LARGE1: variants seen among roughly 807,000 people sequenced by gnomAD.
LARGE1 encodes xylosyl- and glucuronyltransferase LARGE1.
LARGE1 carries 43 observed loss-of-function variants against 87.6 expected under a neutral mutation model. The ratio of observed to expected loss-of-function variants is 0.49; its 90% CI spans 0.38 to 0.63. LARGE1 has a LOEUF of 0.63. Among genes scored for constraint, LARGE1 ranks in the 30% least tolerant of loss-of-function variants. The pLI is 0.00. For synonymous variants in LARGE1, 434 were observed against 394.6 expected (o/e 1.10, Z -1.18); for missense variants, 802 against 1,000.2 (o/e 0.80, Z 2.67).
intron 7 of LARGE1, among the ~76,000 whole-genome samples, chr22:33,388,879 G>T (rs2065418481): frequency 6.6e-6 from 1 of 152,134 alleles, no homozygotes; most frequent in Admixed American, 6.5e-5. Context: ...AATCTCATGG[G>T]CTTTATTCAA....
At chr22:33,173,686 C>T (rs1222958117) in intron 11 of LARGE1, among the ~76,000 whole-genome samples, 1 of 151,290 alleles carries the variant, frequency 6.6e-6, no homozygotes, top group African/African-American at 2.4e-5. Context: ...GCAGGGGTTG[C>T]AATCCTAGTC....
At chr22:33,145,566 G>A in the LARGE1 span, among the ~76,000 whole-genome samples, 8 of 152,180 alleles carry the variant, frequency 5.3e-5, no homozygotes, top group Non-Finnish European at 1.2e-4. Context: ...GCTGAGAAAT[G>A]GGATATGATG....
At chr22:33,725,323 C>G (rs2083237775) in intron 2 of LARGE1, among the ~76,000 whole-genome samples, 2 of 152,164 alleles carry the variant, frequency 1.3e-5, no homozygotes, top group Non-Finnish European at 2.9e-5. Flanking sequence ...GGTGACCTGC[C>G]CATTGGCCTC....
the LARGE1 span, among the ~76,000 whole-genome samples, chr22:33,075,745 T>C: frequency 4.6e-5 from 7 of 152,354 alleles, no homozygotes; most frequent in African/African-American, 1.4e-4. Context: ...TATAATTCTA[T>C]TTTCCTTCAC....
chr22:33,149,100 C>T, the LARGE1 span, among the ~76,000 whole-genome samples: 571 of 149,632 alleles, frequency 3.8e-3, 4 homozygotes, highest in Non-Finnish European at 6.3e-3. Context: ...TGCAGTGGCG[C>T]GATCTCGGCT....
At chr22:33,514,364 A>C (rs1350379838) in intron 6 of LARGE1, among the ~76,000 whole-genome samples, 1 of 152,210 alleles carries the variant, frequency 6.6e-6, no homozygotes, top group Non-Finnish European at 1.5e-5. Flanking sequence ...ACATATGCAC[A>C]CACATATGTA....
rs533893795 is a variant in LARGE1, at chr22:33,423,686, A to G, written c.892+8475T>C. 4.7e-4 allele frequency among the ~76,000 whole-genome samples: 72 copies of G among 151,840 alleles called. 1 individual carries two copies. The highest frequency in any genetic ancestry group is 1.3e-4 in the Non-Finnish European group (9 of 67,920). ...TGCTGTGAGATTCTGTCTCAAAAAA[A>G]AAAAAAAAAAATTACACTTGTAGGC... On this transcript the variant is annotated intron_variant, in intron 7 of 14. Coordinates refer to ENST00000397394, the MANE Select transcript of LARGE1 (RefSeq NM_133642.5).
the LARGE1 span, among the ~76,000 whole-genome samples, chr22:33,152,896 T>C: frequency 1.3e-5 from 2 of 152,174 alleles, no homozygotes; most frequent in African/African-American, 4.8e-5. Flanking sequence ...TTCAATTTAG[T>C]TGTTTTCCAT....
intron 6 of LARGE1, among the ~76,000 whole-genome samples, chr22:33,550,196 T>A (rs531206954): frequency 4.0e-5 from 6 of 151,806 alleles, no homozygotes; most frequent in Non-Finnish European, 8.8e-5. Context: ...TATGTATGTA[T>A]GTATATATAT....
At chr22:33,304,990 T>G (rs776879452) in intron 11 of LARGE1, among the ~76,000 whole-genome samples, 1 of 152,188 alleles carries the variant, frequency 6.6e-6, no homozygotes, top group Non-Finnish European at 1.5e-5. Context: ...ACAGATGTGC[T>G]GCAGTGTGCC....
intron 1 of LARGE1, among the ~76,000 whole-genome samples, chr22:33,853,485 A>T (rs773945480): frequency 5.9e-5 from 9 of 152,198 alleles, no homozygotes; most frequent in Non-Finnish European, 1.2e-4. Flanking sequence ...CCCTTGTTCA[A>T]CATCTAGATG....
intron 4 of LARGE1, among the ~76,000 whole-genome samples, chr22:33,609,141 A>G (rs1371138881): frequency 1.3e-5 from 2 of 152,364 alleles, no homozygotes; most frequent in Middle Eastern, 3.4e-3. Flanking sequence ...ATAAGTTACA[A>G]CAGGGATACA....
At chr22:33,901,878 C>A (rs200804560) in intron 1 of LARGE1, among the ~76,000 whole-genome samples, 15 of 152,056 alleles carry the variant, frequency 9.9e-5, no homozygotes, top group East Asian at 1.9e-4. Context: ...ATTTGGGAAG[C>A]GGATTTTTGG....
intron 1 of LARGE1, among the ~76,000 whole-genome samples, chr22:33,784,982 CAT>C (rs1491118172): frequency 6.6e-5 from 10 of 150,474 alleles, no homozygotes; most frequent in South Asian, 2.1e-4. Flanking sequence ...TGTATACATA[CAT>C]ATGTGTACGT....
At chr22:33,608,580 C>A (rs750081749) in intron 4 of LARGE1, among the ~76,000 whole-genome samples, 1 of 152,190 alleles carries the variant, frequency 6.6e-6, no homozygotes, top group Non-Finnish European at 1.5e-5. Flanking sequence ...CTTTTCATCC[C>A]CATCCACAGT....
intron 4 of LARGE1, among the ~76,000 whole-genome samples, chr22:33,611,409 T>C (rs1275258226): frequency 6.6e-6 from 1 of 152,214 alleles, no homozygotes; most frequent in Non-Finnish European, 1.5e-5. Flanking sequence ...AAGAATTATT[T>C]TGGAGCTTTA....
chr22:33,761,891 C>T (rs1427679581), intron 1 of LARGE1, among the ~76,000 whole-genome samples: 1 of 152,064 alleles, frequency 6.6e-6, no homozygotes, highest in African/African-American at 2.4e-5. Flanking sequence ...CTGTTATGTA[C>T]CACGTATGAA....
intron 1 of LARGE1, among the ~76,000 whole-genome samples, chr22:33,778,535 C>T (rs1304236438): frequency 1.3e-5 from 2 of 152,202 alleles, no homozygotes; most frequent in African/African-American, 4.8e-5. Flanking sequence ...ACAGAGTTAG[C>T]AGCTCTGTAT....
At position 33,702,499 on chromosome 22, in the gene LARGE1, T is replaced by G. The variant is rs1041557777; in HGVS notation, c.107-51831A>C. Among the ~76,000 whole-genome samples, 4 of 152,204 alleles carry G rather than the reference T, an allele frequency of 2.6e-5. No homozygotes were observed. In the East Asian group the frequency reaches 5.8e-4, roughly 22 times the overall value. On this transcript the variant is annotated intron_variant, in intron 2 of 14. Coordinates refer to ENST00000397394, the MANE Select transcript of LARGE1 (RefSeq NM_133642.5). ...GTCTATTCACTTTTACTTAGGCTAA[T>G]CTACAGCAGACCAACAAAGAGGGAA...
Sources: allele counts gnomAD v4.1 joint callset (sites outside exome capture counted in the v4.1 genomes callset), GRCh38; gene constraint gnomAD v4.1.1; transcripts MANE v1.5; gene names NCBI Gene and HGNC (gene_info 2026-07-23, HGNC 2026-07-21).